Variants in HAS1 observed in about 807,000 individuals in gnomAD.
HAS1 encodes HA synthase 1.
HAS1 carries 27 observed loss-of-function variants against 35.0 expected under a neutral mutation model. The ratio of observed to expected loss-of-function variants is 0.77; its 90% CI spans 0.57 to 1.06. The LOEUF is 1.06. Ranked by LOEUF, HAS1 falls within the 50% of genes least tolerant of loss-of-function variation. HAS1 has a pLI of 0.00. For synonymous variants in HAS1, 409 were observed against 371.2 expected (o/e 1.10, Z -1.17); for missense variants, 940 against 814.8 (o/e 1.15, Z -1.87).
At position 51,719,207 on chromosome 19, in the gene HAS1, T is replaced by C. The variant is rs1599794076; in HGVS notation, c.698A>G (p.Gln233Arg). ...TGGGCTGAAGGCGCCTCTACTCACCTGCACGTAGTCCACCGAATCTCCGAG... is the reference window on the plus strand; with the variant it reads ...TGGGCTGAAGGCGCCTCTACTCACCCGCACGTAGTCCACCGAATCTCCGAG... ...KALGDSVDYVQVCDSDTRLDP... is the reference protein window; with the variant it reads ...KALGDSVDYVRVCDSDTRLDP... Residue 233 changes from glutamine to arginine, a missense_variant and splice_region_variant, in exon 2 of 5, where the codon CAG becomes CGG. Transcript: ENST00000540069. The C allele has an allele frequency of 1.9e-6, 3 of 1,557,258 alleles. No homozygotes were observed. The highest frequency in any genetic ancestry group is 3.5e-4 in the Middle Eastern group (2 of 5,794).
chr19:51,716,634 T>C (rs993219412), intron 3 of HAS1, among the ~76,000 whole-genome samples: 5 of 152,108 alleles, frequency 3.3e-5, no homozygotes, highest in East Asian at 1.9e-4. Context: ...CCCAGTCTCA[T>C]CACCAATCCC....
intron 2 of HAS1, 22 bp from the exon 3 acceptor site, chr19:51,717,215 G>A: frequency 6.7e-7 from 1 of 1,498,478 alleles, no homozygotes. Context: ...AAGGGGCCAG[G>A]ATCAGCACAG....
At chr19:51,723,884 T>TATACAC in intron 1 of HAS1, 41 bp downstream of exon 1, 2 of 1,227,610 alleles carry the variant, frequency 1.6e-6, no homozygotes, top group Non-Finnish European at 2.2e-6. Context: ...CATGGCTGTA[T>TATACAC]ACACACACAC....
chr19:51,716,401 G>C lies in HAS1; in HGVS notation c.926-13C>G. 1.2e-6 allele frequency: 2 copies of C among 1,604,168 alleles called. No homozygotes were observed. The highest frequency in any genetic ancestry group is 1.7e-6 in the Non-Finnish European group (2 of 1,175,374). On this transcript the variant is annotated splice_polypyrimidine_tract_variant and intron_variant, in intron 3 of 4. Transcript: ENST00000540069. ...TTCCTATATAGGCCTGGGTGGAGGG[G>C]AGGTGTGAAAGAGTGTCAGCCTCTG... is the stretch of plus-strand genomic sequence containing the variant.
rs2083590552 is a variant in HAS1, at chr19:51,716,959, C to G, written c.925+9G>C. 4 of 1,590,952 alleles carry G rather than the reference C, an allele frequency of 2.5e-6. No homozygotes were observed. Among genetic ancestry groups the G allele is most frequent in the Non-Finnish European group, 3.5e-6 (4 of 1,159,162 alleles). ...ATCCACAGCCCTCCCAATCTCTGCCCCTGCTTACCTAGAGGACCGCTGATG... is the reference window on the plus strand; with the variant it reads ...ATCCACAGCCCTCCCAATCTCTGCCGCTGCTTACCTAGAGGACCGCTGATG... On this transcript the variant is annotated intron_variant, in intron 3 of 4. Coordinates refer to ENST00000540069, the MANE Select transcript of HAS1 (RefSeq NM_001297436.2).
At chr19:51,722,988 A>G (rs1683313133) in intron 1 of HAS1, among the ~76,000 whole-genome samples, 1 of 152,196 alleles carries the variant, frequency 6.6e-6, no homozygotes, top group African/African-American at 2.4e-5. Context: ...TCTCAACATT[A>G]AACATTATTC....
rs1464922157 is a variant in HAS1 at position 51,717,017 on chromosome 19, C to T, written c.876G>A (p.Arg292=). 3.1e-6 allele frequency: 5 copies of T among 1,614,016 alleles called. No individual in the cohort carries two copies. The African/African-American group carries it at 5.3e-5, about 17-fold the overall frequency. ...LRYWVAFNVE[R]ACQSYFHCVS... is the part of the protein sequence containing the mutation. ...CACAGTGGAAGTAGCTCTGACAAGC[C>T]CGCTCCACATTGAAGGCTACCCAGT... Residue 292 remains arginine, a synonymous_variant, in exon 3 of 5, where the codon CGG becomes CGA. Transcript: ENST00000540069.
intron 4 of HAS1, among the ~76,000 whole-genome samples, chr19:51,714,646 G>A (rs754448618): frequency 7.6e-6 from 1 of 131,172 alleles, no homozygotes; most frequent in Non-Finnish European, 1.5e-5. Flanking sequence ...AGCCATGATC[G>A]TGCCCCTGCA....
intron 3 of HAS1, 91 bp from the exon 4 acceptor site, chr19:51,716,479 T>C: frequency 9.3e-7 from 1 of 1,079,650 alleles, no homozygotes; most frequent in Non-Finnish European, 1.3e-6. Context: ...CCATCTCCAG[T>C]TCCAACCCCA....
rs984966496 is a variant in HAS1, at chr19:51,721,823, G to C, written c.10-1928C>G. Among the ~76,000 whole-genome samples, 4 of 151,990 alleles carry C rather than the reference G, an allele frequency of 2.6e-5. No homozygotes were observed. The South Asian group carries it at 8.3e-4, about 31-fold the overall frequency. The stretch of plus-strand genomic sequence containing the variant: ...TTGCTGTGTTTCTCAAGTTGGTCTC[G>C]AACTCCCAGGCTCTAGCGATCCTCC... On this transcript the variant is annotated intron_variant, in intron 1 of 4. Coordinates refer to ENST00000540069, the MANE Select transcript of HAS1 (RefSeq NM_001297436.2).
intron 3 of HAS1, among the ~76,000 whole-genome samples, chr19:51,716,682 C>T (rs1299595355): frequency 6.6e-6 from 1 of 152,008 alleles, no homozygotes; most frequent in African/African-American, 2.4e-5. Flanking sequence ...CCACTGCAAC[C>T]TCAAACCTGG....
intron 1 of HAS1, among the ~76,000 whole-genome samples, chr19:51,722,122 G>A (rs577392129): frequency 1.3e-5 from 2 of 152,280 alleles, no homozygotes; most frequent in Non-Finnish European, 2.9e-5. Context: ...ATTTAAATGC[G>A]TCGTTAAGAT....
chr19:51,720,206 G>A (rs898065815), intron 1 of HAS1, among the ~76,000 whole-genome samples: 10 of 148,832 alleles, frequency 6.7e-5, no homozygotes, highest in African/African-American at 2.5e-4. Context: ...TCAGCTTCCC[G>A]AGCTCAGGCT....
At chr19:51,723,796 A>G in intron 1 of HAS1, 129 bp downstream of exon 1, 1 of 895,676 alleles carries the variant, frequency 1.1e-6, no homozygotes, top group Non-Finnish European at 1.7e-6. Context: ...ACTGTCAGGC[A>G]CATGGATACA....
chr19:51,719,541 A>G lies in HAS1; in HGVS notation c.364T>C (p.Tyr122His), dbSNP rs1314613205. The change falls in exon 2 of 5, where the codon TAC (tyrosine) becomes CAC (histidine). Residue 122 changes from tyrosine to histidine, a missense_variant. Coordinates refer to ENST00000540069, the MANE Select transcript of HAS1 (RefSeq NM_001297436.2). Reference protein sequence around the residue: ...QCLASARALLYPRARLRVLMV... With the variant: ...QCLASARALLHPRARLRVLMV... ...AGGACGCGCAGCCGCGCGCGCGGGTACAGCAGGGCGCGGGCGGACGCCAGG... is the reference window on the plus strand; with the variant it reads ...AGGACGCGCAGCCGCGCGCGCGGGTGCAGCAGGGCGCGGGCGGACGCCAGG... 6.5e-7 allele frequency: 1 copy of G among 1,547,704 alleles called. No homozygotes were observed. Among genetic ancestry groups the G allele is most frequent in the Non-Finnish European group, 8.7e-7 (1 of 1,145,574 alleles).
At chr19:51,722,170 A>G (rs1017173552) in intron 1 of HAS1, among the ~76,000 whole-genome samples, 14 of 152,186 alleles carry the variant, frequency 9.2e-5, no homozygotes, top group Non-Finnish European at 8.8e-5. Flanking sequence ...CAGCAGCCAC[A>G]TGTGTCTACC....
At position 51,719,650 on chromosome 19, in the gene HAS1, C is replaced by A. The variant is rs1041492313; in HGVS notation, c.255G>T (p.Arg85=). ...GCGCGGTGGCTGCATCCAGCGGCCC[C>A]CGCGCCGCCGCCGCCACCCGCCGGT... ...LEHRRVAAAA[R]GPLDAATARS... is the part of the protein sequence containing the mutation. The change falls in exon 2 of 5, where the codon CGG becomes CGT. Residue 85 remains arginine, a synonymous_variant. Transcript: ENST00000540069. The A allele has an allele frequency of 3.2e-6, 5 of 1,539,768 alleles. No individual in the cohort carries two copies. The African/African-American group carries it at 6.9e-5, about 21-fold the overall frequency.
chr19:51,715,194 C>G (rs570776411), intron 4 of HAS1, among the ~76,000 whole-genome samples: 6 of 152,238 alleles, frequency 3.9e-5, no homozygotes, highest in Admixed American at 6.5e-5. Context: ...TAGTCTGTAC[C>G]CAAAACGGCT....
rs563621598 is a variant in HAS1, at chr19:51,723,986, C to T, written c.-53G>A. 2.6e-6 allele frequency: 4 copies of T among 1,535,058 alleles called. No homozygotes were observed. In the East Asian group the frequency reaches 9.8e-5, roughly 38 times the overall value. Reference sequence around the variant, plus strand: ...TCTCTCCGGCTTGCTCTCCCAGCCTCTCTGTGGCCAGAGAGCTGGAGGGGG... The same window carrying T: ...TCTCTCCGGCTTGCTCTCCCAGCCTTTCTGTGGCCAGAGAGCTGGAGGGGG... On this transcript the variant is annotated 5_prime_UTR_variant, in exon 1 of 5. Transcript: ENST00000540069.
Sources: allele counts gnomAD v4.1 joint callset (sites outside exome capture counted in the v4.1 genomes callset), GRCh38; gene constraint gnomAD v4.1.1; transcripts MANE v1.5; gene names NCBI Gene and HGNC (gene_info 2026-07-23, HGNC 2026-07-21).